PMPCB: variants seen among roughly 807,000 people sequenced by gnomAD.
The protein encoded by PMPCB is mitochondrial-processing peptidase subunit beta.
Under a neutral mutation model 61.5 loss-of-function variants are expected in PMPCB, and 46 were observed. That is an observed-to-expected ratio of 0.75 (90% CI 0.59 to 0.96). PMPCB has a LOEUF of 0.96. Ranked by LOEUF, PMPCB falls within the 40% of genes least tolerant of loss-of-function variation. The probability of loss-of-function intolerance (pLI) is 0.00; values close to 1 mark genes in which losing one functional copy is unlikely to be tolerated. For missense variants in PMPCB, 590 were observed against 602.4 expected, an observed-to-expected ratio of 0.98 and a Z score of 0.22; for synonymous variants, 191 against 201.6, an observed-to-expected ratio of 0.95 and a Z score of 0.44.
At chr7:103,298,128 C>CTT (rs1292088228) in intron 1 of PMPCB, among the ~76,000 whole-genome samples, 1 of 146,776 alleles carries the variant, frequency 6.8e-6, no homozygotes, top group Non-Finnish European at 1.5e-5. Flanking sequence ...TCCTCTCTCT[C>CTT]TTTTTTTTTT....
At chr7:103,338,947 G>A in the PMPCB span, among the ~76,000 whole-genome samples, 1 of 152,048 alleles carries the variant, frequency 6.6e-6, no homozygotes, top group South Asian at 2.1e-4. Flanking sequence ...TAAAAAAGAG[G>A]TAAATGTGGA....
intron 12 of PMPCB, chr7:103,319,898 A>C: frequency 1.9e-6 from 3 of 1,578,106 alleles, no homozygotes; most frequent in Non-Finnish European, 2.6e-6. Context: ...ATCCATCAAC[A>C]TAATTACAAA....
chr7:103,317,107 C>A (rs576186404), downstream of PMPCB: 1 of 1,098,782 alleles, frequency 9.1e-7, no homozygotes, highest in African/African-American at 1.6e-5. Context: ...CCTCAACTCT[C>A]AATGTCATTC....
chr7:103,322,752 T>C (rs753020560), intron 12 of PMPCB: 2 of 1,609,160 alleles, frequency 1.2e-6, no homozygotes, highest in South Asian at 1.1e-5. Flanking sequence ...TTTGTGCTCT[T>C]GTTGCTCTGT....
exon 13 of PMPCB, chr7:103,329,097 G>T: frequency 1.4e-6 from 1 of 727,462 alleles, no homozygotes; most frequent in Non-Finnish European, 1.9e-6. Context: ...CAATTTTTTT[G>T]TTTTTCATCC....
intron 5 of PMPCB, among the ~76,000 whole-genome samples, 169 bp from the exon 6 acceptor site, chr7:103,304,242 G>A (rs994888813): frequency 2.6e-5 from 4 of 152,152 alleles, no homozygotes; most frequent in African/African-American, 9.7e-5. Flanking sequence ...CAGTAATGGT[G>A]TATTTTTTCT....
chr7:103,298,745 C>T (rs1362396014), intron 2 of PMPCB, 37 bp downstream of exon 2: 1 of 1,585,936 alleles, frequency 6.3e-7, no homozygotes, highest in South Asian at 1.1e-5. Context: ...AGTGACCCTT[C>T]ATTTAGCGTA....
chr7:103,339,745 G>GC, the PMPCB span, among the ~76,000 whole-genome samples: 1 of 152,018 alleles, frequency 6.6e-6, no homozygotes, highest in African/African-American at 2.4e-5. Context: ...GGGATTATAA[G>GC]CATGTGCCAC....
chr7:103,309,666 A>G (rs1429121725), intron 8 of PMPCB, among the ~76,000 whole-genome samples: 1 of 152,204 alleles, frequency 6.6e-6, no homozygotes, highest in East Asian at 1.9e-4. Flanking sequence ...GGGATCTGGG[A>G]ACCAATTCTC....
chr7:103,341,488 A>G, the PMPCB span, among the ~76,000 whole-genome samples: 1 of 152,308 alleles, frequency 6.6e-6, no homozygotes, highest in Non-Finnish European at 1.5e-5. Context: ...TCTGCCCAGA[A>G]TACTTTTCTC....
chr7:103,338,182 ATTAC>A, the PMPCB span, among the ~76,000 whole-genome samples: 1 of 150,486 alleles, frequency 6.6e-6, no homozygotes, highest in African/African-American at 2.5e-5. Context: ...AAGTAGCAGG[ATTAC>A]TTGAGTCTAG....
At chr7:103,337,882 A>G in the PMPCB span, 1 of 1,116,320 alleles carries the variant, frequency 9.0e-7, no homozygotes, top group South Asian at 1.3e-5. Flanking sequence ...GTGTTCTGGT[A>G]CCTTAATAAG....
the PMPCB span, among the ~76,000 whole-genome samples, chr7:103,347,034 G>A: frequency 3.8e-3 from 572 of 152,262 alleles, 4 homozygotes; most frequent in African/African-American, 0.014. Context: ...TTGCTAGGTG[G>A]CATGGTAATT....
the PMPCB span, among the ~76,000 whole-genome samples, chr7:103,345,866 G>A: frequency 2.0e-5 from 3 of 151,798 alleles, no homozygotes; most frequent in African/African-American, 7.3e-5. Flanking sequence ...AGATCGTTGA[G>A]GCCGGGAGGT....
Position 103,324,784 on chromosome 7 carries a change from GAAAC to G in PMPCB, c.*1432-4144_*1432-4141del, listed in dbSNP as rs1378950120. 3 of 295,776 alleles carry G rather than the reference GAAAC, an allele frequency of 1.0e-5. No homozygotes were observed. The Admixed American group carries it at 1.6e-4, about 16-fold the overall frequency. 18.3% of individuals were successfully genotyped at this position (295,776 alleles called of 1,614,324 possible). On this transcript the variant is annotated intron_variant and NMD_transcript_variant, in intron 12 of 12. Coordinates refer to the PMPCB transcript ENST00000444457. ...CCAAAGATAGACTGGGGTGAGGAGAGAAACAACGGGACAGACTTCTAATCACAGG... is the reference window on the plus strand; with the variant it reads ...CCAAAGATAGACTGGGGTGAGGAGAGAACGGGACAGACTTCTAATCACAGG...
the PMPCB span, chr7:103,344,661 C>G: frequency 6.3e-7 from 1 of 1,599,398 alleles, no homozygotes; most frequent in Admixed American, 1.7e-5. Flanking sequence ...CAGCGGCTCA[C>G]GTCCCGGGCG....
intron 7 of PMPCB, 78 bp from the exon 8 acceptor site, chr7:103,308,874 G>C: frequency 8.5e-7 from 1 of 1,178,192 alleles, no homozygotes; most frequent in African/African-American, 1.6e-5. Flanking sequence ...TAATGGGACT[G>C]GTGATTTTTT....
the PMPCB span, chr7:103,344,792 G>T: frequency 1.5e-6 from 1 of 658,494 alleles, no homozygotes; most frequent in Non-Finnish European, 2.7e-6. Flanking sequence ...TGGATCTTTC[G>T]TGGTGTGGAG....
intron 12 of PMPCB, chr7:103,324,353 CAG>C (rs1454229982): frequency 8.2e-5 from 59 of 716,264 alleles, no homozygotes; most frequent in Middle Eastern, 8.1e-4. Flanking sequence ...ACATAGGTAA[CAG>C]AGTGCTTTTG....
Sources: allele counts gnomAD v4.1 joint callset (sites outside exome capture counted in the v4.1 genomes callset), GRCh38; gene constraint gnomAD v4.1.1; transcripts MANE v1.5; gene names NCBI Gene and HGNC (gene_info 2026-07-23, HGNC 2026-07-21).